ARHGAP21: variants seen among roughly 807,000 people sequenced by gnomAD.
ARHGAP21 encodes the protein Rho GTPase activating protein 21, also known as rho GTPase-activating protein 21.
ARHGAP21 carries 38 observed loss-of-function variants against 164.6 expected under a neutral mutation model. The ratio of observed to expected loss-of-function variants is 0.23; its 90% confidence interval spans 0.18 to 0.30. The LOEUF (loss-of-function observed/expected upper bound fraction) is 0.30. ARHGAP21 is among the 10% of genes least tolerant of loss of function. The pLI is 1.00. For synonymous variants in ARHGAP21, 766 were observed against 857.9 expected (o/e 0.89, Z 1.87); for missense variants, 1,822 against 2,370.7 (o/e 0.77, Z 4.81).
At chr10:24,599,610 TG>T (rs1251973803) in intron 14 of ARHGAP21, among the ~76,000 whole-genome samples, 2 of 152,326 alleles carry the variant, frequency 1.3e-5, no homozygotes, top group African/African-American at 2.4e-5. Context: ...GCCCCTTTTT[TG>T]GTTATAATAA....
At chr10:24,681,243 A>C (rs1469248857) in intron 2 of ARHGAP21, among the ~76,000 whole-genome samples, 2 of 152,264 alleles carry the variant, frequency 1.3e-5, no homozygotes, top group South Asian at 2.1e-4. Flanking sequence ...TTGCTAAAAA[A>C]CCATTGCAAT....
intron 2 of ARHGAP21, among the ~76,000 whole-genome samples, chr10:24,680,294 C>T (rs1841646363): frequency 6.6e-6 from 1 of 152,004 alleles, no homozygotes; most frequent in Non-Finnish European, 1.5e-5. Context: ...TTATATTTTC[C>T]TTTTCCTGTG....
At position 24,648,777 on chromosome 10, in the gene ARHGAP21, C is replaced by T. The variant is rs1182868579; in HGVS notation, c.269-13674G>A. ...CTAAGCAATAAGAGCAAAACTCTGT[C>T]TCAAAAAAAAAAAAAAAAAATCATC... On this transcript the variant is annotated intron_variant, in intron 4 of 25. Transcript: ENST00000396432. 8.2e-6 allele frequency: 6 copies of T among 732,116 alleles called. No homozygotes were observed. In the East Asian group the frequency reaches 9.1e-4, roughly 111 times the overall value. 45.4% of individuals were successfully genotyped at this position (732,116 alleles called of 1,614,324 possible). A position where few individuals can be genotyped will look rare whatever the true frequency, so the allele number is the denominator to read the frequency against.
At chr10:24,625,059 GGGGGGA>G (rs1438040129) in intron 7 of ARHGAP21, among the ~76,000 whole-genome samples, 1 of 77,718 alleles carries the variant, frequency 1.3e-5, no homozygotes. Context: ...GTGGGGGGGG[GGGGGGA>G]GGAGGAGGAG....
chr10:24,682,661 G>A (rs1026861069), intron 2 of ARHGAP21, among the ~76,000 whole-genome samples: 3 of 151,230 alleles, frequency 2.0e-5, no homozygotes, highest in South Asian at 2.1e-4. Context: ...CAAGCAGCTT[G>A]TTTACAGAGT....
intron 4 of ARHGAP21, among the ~76,000 whole-genome samples, chr10:24,649,565 T>A (rs752099674): frequency 1.3e-5 from 2 of 152,170 alleles, no homozygotes; most frequent in African/African-American, 2.4e-5. Context: ...CACATGGACA[T>A]GGATTTTTAG....
At chr10:24,717,768 A>G (rs1256800334) in intron 2 of ARHGAP21, among the ~76,000 whole-genome samples, 2 of 152,146 alleles carry the variant, frequency 1.3e-5, no homozygotes, top group Non-Finnish European at 1.5e-5. Flanking sequence ...AGGTAATGTA[A>G]CGATCAGCTG....
At chr10:24,599,796 A>G (rs936156814) in intron 14 of ARHGAP21, among the ~76,000 whole-genome samples, 1 of 152,202 alleles carries the variant, frequency 6.6e-6, no homozygotes, top group Non-Finnish European at 1.5e-5. Context: ...CTTGATGATC[A>G]TAAGCTGTAA....
chr10:24,621,990 A>C (rs981687077), intron 8 of ARHGAP21, among the ~76,000 whole-genome samples: 5 of 152,148 alleles, frequency 3.3e-5, no homozygotes, highest in Admixed American at 6.5e-5. Context: ...AAGGCAGAAA[A>C]ACATGAAAAA....
At chr10:24,635,535 T>C (rs1836290229) in intron 4 of ARHGAP21, among the ~76,000 whole-genome samples, 1 of 150,088 alleles carries the variant, frequency 6.7e-6, no homozygotes, top group Non-Finnish European at 1.5e-5. Flanking sequence ...CTTTTGTTTT[T>C]TGTTTTGTTT....
chr10:24,716,395 G>A (rs775217827), intron 2 of ARHGAP21, among the ~76,000 whole-genome samples: 3 of 152,332 alleles, frequency 2.0e-5, no homozygotes, highest in South Asian at 2.1e-4. Context: ...GCAAAAGCCC[G>A]AAGGAGCCAA....
intron 25 of ARHGAP21, among the ~76,000 whole-genome samples, chr10:24,587,946 TAAC>T (rs2076175753): frequency 6.6e-6 from 1 of 152,178 alleles, no homozygotes; most frequent in Admixed American, 6.5e-5. Flanking sequence ...GCTACTGTAA[TAAC>T]AGGTTAAGAA....
At chr10:24,704,699 G>T (rs536543287) in intron 2 of ARHGAP21, among the ~76,000 whole-genome samples, 4 of 152,026 alleles carry the variant, frequency 2.6e-5, no homozygotes, top group African/African-American at 7.2e-5. Flanking sequence ...GAACTCCTGA[G>T]ATCAGGCAAT....
intron 2 of ARHGAP21, among the ~76,000 whole-genome samples, chr10:24,680,536 T>C (rs1841668399): frequency 1.3e-5 from 2 of 152,158 alleles, no homozygotes; most frequent in African/African-American, 4.8e-5. Flanking sequence ...AGTAGGCAAT[T>C]TCTTTCTTGC....
At position 24,620,625 on chromosome 10, in the gene ARHGAP21, C is replaced by T. The variant is rs1274702141; in HGVS notation, c.1270G>A (p.Asp424Asn). 6.2e-7 allele frequency: 1 copy of T among 1,614,238 alleles called. No individual in the cohort carries two copies. Among genetic ancestry groups the T allele is most frequent in the Middle Eastern group, 1.6e-4 (1 of 6,062 alleles). ...SLRAASQSTT[D>N]YNQVVPNRTT... is the part of the protein sequence containing the mutation. ...CGGTTGGGGACGACCTGGTTATAATCTGTCGTGCTTTGAGATGCTGCTCTT... is the reference window on the plus strand; with the variant it reads ...CGGTTGGGGACGACCTGGTTATAATTTGTCGTGCTTTGAGATGCTGCTCTT... Residue 424 changes from aspartate to asparagine, a missense_variant, in exon 9 of 26, where the codon GAT becomes AAT. Transcript: ENST00000396432.
At position 24,628,356 on chromosome 10, in the gene ARHGAP21, C is replaced by G. The variant is rs147403015; in HGVS notation, c.495+1640G>C. 1.6e-3 allele frequency among the ~76,000 whole-genome samples: 239 copies of G among 152,268 alleles called. No homozygotes were observed. The Middle Eastern group carries it at 0.024, about 15-fold the overall frequency. ...CATGCCTTGAAAACATGGGGTTAAT[C>G]CCCATGAGTTTCACTTAATTATAGT... On this transcript the variant is annotated intron_variant, in intron 7 of 25. Coordinates refer to ENST00000396432, the MANE Select transcript of ARHGAP21 (RefSeq NM_020824.4).
At chr10:24,681,051 G>C (rs1841712666) in intron 2 of ARHGAP21, among the ~76,000 whole-genome samples, 1 of 152,062 alleles carries the variant, frequency 6.6e-6, no homozygotes, top group Non-Finnish European at 1.5e-5. Context: ...ATAAAAATTA[G>C]ATATAACAAC....
At chr10:24,644,445 C>T (rs1363991759) in intron 4 of ARHGAP21, among the ~76,000 whole-genome samples, 1 of 152,170 alleles carries the variant, frequency 6.6e-6, no homozygotes, top group Non-Finnish European at 1.5e-5. Flanking sequence ...CTGCCAACTA[C>T]CCCACCCTGA....
rs1322585843 is a variant in ARHGAP21 at position 24,617,372 on chromosome 10, C to T, written c.2422+2101G>A. Among the ~76,000 whole-genome samples, 3 of 152,064 alleles carry T rather than the reference C, an allele frequency of 2.0e-5. No homozygotes were observed. The East Asian group carries it at 5.8e-4, about 29-fold the overall frequency. On this transcript the variant is annotated intron_variant, in intron 9 of 25. Coordinates refer to ENST00000396432, the MANE Select transcript of ARHGAP21 (RefSeq NM_020824.4). ...TGATGCCACTGTTCTGATAAGATCG[C>T]ATGGGCCTGTGAAACAGCCACAGGT...
Sources: gnomAD v4.1 joint callset for allele counts (sites outside exome capture counted in the v4.1 genomes callset) on GRCh38, gnomAD v4.1.1 for gene constraint, MANE v1.5 for transcripts, NCBI Gene and HGNC (gene_info 2026-07-23, HGNC 2026-07-21) for gene names.